The following GREB1 variants were observed in gnomAD, a reference collection of about 807,000 sequenced individuals.
The protein encoded by GREB1 is protein GREB1.
GREB1 carries 106 observed loss-of-function variants against 200.7 expected under a neutral mutation model. The observed-to-expected ratio is 0.53, with a 90% CI of 0.45 to 0.62. The LOEUF is 0.62. GREB1 is among the 20% of genes least tolerant of loss of function. The probability of loss-of-function intolerance (pLI) is 0.00; values close to 1 mark genes in which losing one functional copy is unlikely to be tolerated. For synonymous variants in GREB1, 1,132 were observed against 1,092.4 expected (o/e 1.04, Z -0.72); for missense variants, 2,243 against 2,556.8 (o/e 0.88, Z 2.65).
chr2:11,586,984 C>T (rs1680170478), intron 9 of GREB1, among the ~76,000 whole-genome samples: 1 of 152,098 alleles, frequency 6.6e-6, no homozygotes, highest in Non-Finnish European at 1.5e-5. Flanking sequence ...AGAGCTAGGA[C>T]AGGGTGCAGG....
Position 11,625,251 on chromosome 2 carries a change from C to G in GREB1, c.4245C>G (p.His1415Gln). The G allele has an allele frequency of 6.2e-7, 1 of 1,614,092 alleles. No individual in the cohort carries two copies. The highest frequency in any genetic ancestry group is 8.5e-7 in the Non-Finnish European group (1 of 1,179,954). Residue 1415 changes from histidine to glutamine, a missense_variant, in exon 24 of 33, where the codon CAC (histidine) becomes CAG (glutamine). Physicochemically the swap from His to Gln is conservative, Grantham distance 24. Around this residue, in one of 3 missense-constraint regions of GREB1, gnomAD observed 587 missense variants for 553.1 expected, o/e 1.06. Coordinates refer to ENST00000381486, the MANE Select transcript of GREB1 (RefSeq NM_014668.4). ...AGTTGCCCTTTGACTACATCATTCA[C>G]GACCCGAAGTATGAAGATGCCAGCC... ...FKKLPFDYII[H>Q]DPKYEDASLI... is the part of the protein sequence containing the mutation.
intron 1 of GREB1, among the ~76,000 whole-genome samples, chr2:11,515,725 A>C (rs1156291299): frequency 6.6e-6 from 1 of 152,224 alleles, no homozygotes; most frequent in Non-Finnish European, 1.5e-5. Context: ...GTGATCCTTC[A>C]TCAGCCCCTC....
chr2:11,489,947 T>A (rs13016100), intron 1 of GREB1, among the ~76,000 whole-genome samples: 1 of 140,518 alleles, frequency 7.1e-6, no homozygotes, highest in Non-Finnish European at 1.5e-5. Context: ...ACATATATAT[T>A]TATGTATTAT....
At chr2:11,530,670 T>G (rs13015786), upstream of GREB1, among the ~76,000 whole-genome samples, 2 of 147,910 alleles carry the variant, frequency 1.4e-5, no homozygotes, top group African/African-American at 2.5e-5. Context: ...TGTGAGTTAA[T>G]GGGGGGCAGG....
intron 1 of GREB1, among the ~76,000 whole-genome samples, chr2:11,522,236 C>T (rs1409621613): frequency 6.6e-6 from 1 of 152,032 alleles, no homozygotes; most frequent in Non-Finnish European, 1.5e-5. Context: ...CAATTAAACC[C>T]ATTTATGCCT....
chr2:11,571,302 T>TA (rs902647671), intron 4 of GREB1, among the ~76,000 whole-genome samples: 2 of 152,154 alleles, frequency 1.3e-5, no homozygotes, highest in South Asian at 4.1e-4. Flanking sequence ...GGAAGGAACA[T>TA]AGAGTTGCTG....
At position 11,494,218 on chromosome 2, in the gene GREB1, T is replaced by C. The variant is rs113653148; in HGVS notation, c.-159+11837T>C. On this transcript the variant is annotated intron_variant, in intron 1 of 2. Coordinates refer to the GREB1 transcript ENST00000628795. Reference sequence around the variant, plus strand: ...GTGAGAAGATGGGCTACAGGGGCAGTCTGATCCGGGGGTGCCCCCAACACT... The same window carrying C: ...GTGAGAAGATGGGCTACAGGGGCAGCCTGATCCGGGGGTGCCCCCAACACT... Among the ~76,000 whole-genome samples, 31 of 152,370 alleles carry C rather than the reference T, an allele frequency of 2.0e-4. No homozygotes were observed. In the East Asian group the frequency reaches 3.9e-3, roughly 19 times the overall value.
At chr2:11,593,461 T>C (rs1433440079) in intron 11 of GREB1, among the ~76,000 whole-genome samples, 1 of 152,228 alleles carries the variant, frequency 6.6e-6, no homozygotes, top group Non-Finnish European at 1.5e-5. Context: ...TAAGAAACAA[T>C]GCCCTTGTTG....
Position 11,576,410 on chromosome 2 carries a change from T to C in GREB1, c.512T>C (p.Phe171Ser), listed in dbSNP as rs1678862631. 4 of 1,614,082 alleles carry C rather than the reference T, an allele frequency of 2.5e-6. No individual in the cohort carries two copies. Among genetic ancestry groups the C allele is most frequent in the Non-Finnish European group, 3.4e-6 (4 of 1,179,928 alleles). Residue 171 changes from phenylalanine (F) to serine (S), a missense_variant, in exon 5 of 33, where the codon TTC (phenylalanine) becomes TCC (serine). By Grantham distance (155) the Phe-to-Ser change is radical (BLOSUM62 -2). This residue lies in a region of GREB1 where 1,178 missense variants were observed against 1,387.4 expected (regional missense o/e 0.85). Coordinates refer to ENST00000381486, the MANE Select transcript of GREB1 (RefSeq NM_014668.4). ...GKKGFCYFTE[F>S]SNHINLKLTT... ...AAAGGCTTCTGTTACTTCACGGAAT[T>C]CTCCAATCATATAAATCTGAAACTG... is the stretch of plus-strand genomic sequence containing the variant.
intron 1 of GREB1, among the ~76,000 whole-genome samples, chr2:11,552,964 C>A (rs995819053): frequency 1.4e-5 from 2 of 146,742 alleles, no homozygotes; most frequent in Non-Finnish European, 3.0e-5. Flanking sequence ...GAGTCGAGAT[C>A]GCGCCACTGC....
rs765596534 is a variant in GREB1 at position 11,632,974 on chromosome 2, G to A, written c.4902G>A (p.Pro1634=). Residue 1634 remains proline (P), a synonymous_variant, in exon 28 of 33, where the codon CCG becomes CCA. Transcript: ENST00000381486. ...RNRQEELGIK[P]QDIWPFIVIS... ...GGCAGGAGGAGCTGGGAATCAAGCC[G>A]CAGGACATCTGGCCTTTCATTGTGA... 2.3e-5 allele frequency: 37 copies of A among 1,614,034 alleles called. No homozygotes were observed. Among genetic ancestry groups the A allele is most frequent in the South Asian group, 6.6e-5 (6 of 91,090 alleles).
At chr2:11,560,133 A>C (rs1676852922) in intron 2 of GREB1, among the ~76,000 whole-genome samples, 1 of 152,192 alleles carries the variant, frequency 6.6e-6, no homozygotes, top group African/African-American at 2.4e-5. Flanking sequence ...AGGTGACCTT[A>C]GGGTTTGTCT....
intron 15 of GREB1, 93 bp from the exon 16 acceptor site, chr2:11,600,707 C>G (rs114205175): frequency 1.0e-6 from 1 of 980,622 alleles, no homozygotes; most frequent in South Asian, 1.4e-5. Context: ...TTGGTAAAGT[C>G]AGGGGTTAGT....
At chr2:11,579,451 G>A (rs978123879) in intron 6 of GREB1, among the ~76,000 whole-genome samples, 2 of 152,206 alleles carry the variant, frequency 1.3e-5, no homozygotes, top group Non-Finnish European at 2.9e-5. Flanking sequence ...ATTAAATAAG[G>A]CGATAGTATG....
intron 17 of GREB1, among the ~76,000 whole-genome samples, chr2:11,607,918 C>G (rs1369031673): frequency 6.6e-6 from 1 of 152,166 alleles, no homozygotes; most frequent in Non-Finnish European, 1.5e-5. Flanking sequence ...ACCGCCAAGA[C>G]TGTGTTGTTT....
At chr2:11,612,307 C>G (rs930253038) in intron 18 of GREB1, 188 bp from the exon 19 acceptor site, 58 of 1,315,680 alleles carry the variant, frequency 4.4e-5, no homozygotes, top group Non-Finnish European at 5.3e-5. Context: ...TCTCCATGTT[C>G]TAGCCGACTG....
chr2:11,546,746 T>C (rs2082831), intron 1 of GREB1, among the ~76,000 whole-genome samples: 86,942 of 151,960 alleles, frequency 0.57, 25,860 homozygotes, highest in South Asian at 0.77. Context: ...TCTCGCTTTT[T>C]GTGTGAATGC....
intron 30 of GREB1, among the ~76,000 whole-genome samples, chr2:11,635,782 A>C (rs567512355): frequency 9.9e-5 from 15 of 152,086 alleles, no homozygotes; most frequent in Non-Finnish European, 1.5e-4. Context: ...TAGTCATACT[A>C]TGTGTCCACT....
chr2:11,566,472 C>T lies in GREB1; in HGVS notation c.278-8C>T, dbSNP rs552657492. 4.5e-5 allele frequency: 72 copies of T among 1,597,868 alleles called. No individual in the cohort carries two copies. The highest frequency in any genetic ancestry group is 5.6e-5 in the Non-Finnish European group (66 of 1,170,478). ...GGGCAGCGTGTGAACCCTGTCCACCCCTCCTAGGGTTTTGCCAGGCCGGGA... is the reference window on the plus strand; with the variant it reads ...GGGCAGCGTGTGAACCCTGTCCACCTCTCCTAGGGTTTTGCCAGGCCGGGA... On this transcript the variant is annotated splice_polypyrimidine_tract_variant and splice_region_variant and intron_variant, in intron 3 of 32. Coordinates refer to ENST00000381486, the MANE Select transcript of GREB1 (RefSeq NM_014668.4).
Sources: gnomAD v4.1 joint callset for allele counts (sites outside exome capture counted in the v4.1 genomes callset) on GRCh38, gnomAD v4.1.1 for gene constraint, gnomAD v4.1.1 regional missense constraint, MANE v1.5 for transcripts, NCBI Gene and HGNC (gene_info 2026-07-23, HGNC 2026-07-21) for gene names.